Variants in CCDC181 observed in about 807,000 individuals in gnomAD.
CCDC181 encodes coiled-coil domain-containing protein 181.
A neutral mutation model predicts 58.7 loss-of-function variants in CCDC181; 35 were observed. The ratio of observed to expected loss-of-function variants is 0.60; its 90% CI spans 0.46 to 0.79. CCDC181 has a LOEUF of 0.79. Among genes scored for constraint, CCDC181 ranks in the 30% least tolerant of loss-of-function variants. CCDC181 has a pLI of 0.00. For synonymous variants in CCDC181, 183 were observed against 197.5 expected (o/e 0.93, Z 0.62); for missense variants, 517 against 583.9 (o/e 0.89, Z 1.18).
chr1:169,436,864 T>G (rs1657067752), intron 2 of CCDC181, among the ~76,000 whole-genome samples: 1 of 152,052 alleles, frequency 6.6e-6, no homozygotes, highest in South Asian at 2.1e-4. Flanking sequence ...AAAAAGAAAA[T>G]AGGCTTAAAC....
chr1:169,420,105 T>C (rs1401675175), intron 3 of CCDC181, among the ~76,000 whole-genome samples: 1 of 152,238 alleles, frequency 6.6e-6, no homozygotes, highest in Non-Finnish European at 1.5e-5. Flanking sequence ...ATCAGTTCAT[T>C]AATAAAAAGG....
intron 4 of CCDC181, among the ~76,000 whole-genome samples, chr1:169,408,452 G>A (rs896157467): frequency 2.6e-5 from 4 of 152,240 alleles, no homozygotes; most frequent in African/African-American, 9.6e-5. Flanking sequence ...TGGGGGAAGG[G>A]GTGGCTGCGG....
intron 2 of CCDC181, among the ~76,000 whole-genome samples, chr1:169,433,002 C>G (rs1300769545): frequency 6.6e-6 from 1 of 151,764 alleles, no homozygotes; most frequent in Non-Finnish European, 1.5e-5. Flanking sequence ...AGCAATTAGG[C>G]AAGAAAAAGA....
At chr1:169,395,295 G>C in intron 5 of CCDC181, 89 bp from the exon 6 acceptor site, 1 of 1,164,438 alleles carries the variant, frequency 8.6e-7, no homozygotes, top group Non-Finnish European at 1.1e-6. Context: ...CAAAATAAAT[G>C]GACATTTCTT....
chr1:169,460,602 G>T (rs565092348), exon 1 of CCDC181: 1 of 152,502 alleles, frequency 6.6e-6, no homozygotes, highest in African/African-American at 2.4e-5. Flanking sequence ...CCCAGAAGGA[G>T]GGAGTCGCTG....
intron 5 of CCDC181, among the ~76,000 whole-genome samples, chr1:169,395,607 C>G (rs1654976361): frequency 6.6e-6 from 1 of 152,280 alleles, no homozygotes; most frequent in East Asian, 1.9e-4. Flanking sequence ...AGAATACTAT[C>G]ATGCAGAAAT....
intron 2 of CCDC181, among the ~76,000 whole-genome samples, chr1:169,447,277 T>A (rs1657403186): frequency 6.6e-6 from 1 of 152,126 alleles, no homozygotes. Context: ...CACACCCAGA[T>A]AATTTTTGAA....
chr1:169,422,165 A>G lies in CCDC181; in HGVS notation c.266T>C (p.Ile89Thr). ...RRNDIISVPG[I>T]QPLDPISDSD... ...ATCTGATATGGGATCCAAAGGTTGA[A>G]TACCTGGTACAGAAATGATGTCATT... Residue 89 changes from isoleucine to threonine, a missense_variant, in exon 3 of 6, where the codon ATT (isoleucine) becomes ACT (threonine). Physicochemically the swap from Ile to Thr is moderately conservative, Grantham distance 89 (BLOSUM62 -1). Coordinates refer to ENST00000367806, the MANE Select transcript of CCDC181 (RefSeq NM_001300969.2). 1 of 1,613,778 alleles carries G rather than the reference A, an allele frequency of 6.2e-7. No homozygotes were observed. Among genetic ancestry groups the G allele is most frequent in the East Asian group, 2.2e-5 (1 of 44,858 alleles).
chr1:169,414,806 C>T (rs1407429764), intron 4 of CCDC181, among the ~76,000 whole-genome samples: 1 of 152,156 alleles, frequency 6.6e-6, no homozygotes, highest in African/African-American at 2.4e-5. Context: ...ACATAATGCA[C>T]TTATTATAGC....
At chr1:169,416,436 G>A (rs538022150) in intron 4 of CCDC181, among the ~76,000 whole-genome samples, 85 of 152,176 alleles carry the variant, frequency 5.6e-4, no homozygotes, top group African/African-American at 2.0e-3. Context: ...TCTTGGCCCC[G>A]TCACTCCTAT....
At chr1:169,442,680 T>G (rs1332118561) in intron 2 of CCDC181, 1 of 152,156 alleles carries the variant, frequency 6.6e-6, no homozygotes, top group African/African-American at 2.4e-5. Flanking sequence ...ACATTGACAT[T>G]GAGATATTTT....
intron 4 of CCDC181, among the ~76,000 whole-genome samples, chr1:169,417,296 CTA>C (rs770520470): frequency 6.6e-6 from 1 of 152,186 alleles, no homozygotes; most frequent in Non-Finnish European, 1.5e-5. Flanking sequence ...GTCTGACCAG[CTA>C]TATATTGCCA....
intron 2 of CCDC181, among the ~76,000 whole-genome samples, chr1:169,444,787 C>T (rs1657327938): frequency 6.6e-6 from 1 of 152,114 alleles, no homozygotes; most frequent in Non-Finnish European, 1.5e-5. Context: ...TGCAAGAGTA[C>T]CTTTGGCATT....
upstream of CCDC181, among the ~76,000 whole-genome samples, chr1:169,430,679 A>C (rs990088710): frequency 7.5e-5 from 11 of 147,264 alleles, no homozygotes; most frequent in South Asian, 2.2e-4. Context: ...AAAAAAAAAA[A>C]CACACAAATA....
intron 2 of CCDC181, among the ~76,000 whole-genome samples, chr1:169,423,079 T>TATATTTTATATATATATATATATATA (rs377436139): frequency 6.8e-6 from 1 of 146,944 alleles, no homozygotes; most frequent in African/African-American, 2.5e-5. Flanking sequence ...ATATATATAT[T>TATATTTTATATATATATATATATATA]TTTTCTCTTT....
intron 2 of CCDC181, chr1:169,443,539 T>C (rs775087900): frequency 2.0e-5 from 3 of 152,162 alleles, no homozygotes; most frequent in Non-Finnish European, 2.9e-5. Context: ...TTATAAGTGG[T>C]GCCTCATTGG....
rs764267293 is a variant in CCDC181, at chr1:169,421,599, C to A, written c.832G>T (p.Ala278Ser). ...TCTCCTGTTGATGAGTGAGTGACAGCATGAATCTTTGCTGTAGAATCTTCT... is the reference window on the plus strand; with the variant it reads ...TCTCCTGTTGATGAGTGAGTGACAGAATGAATCTTTGCTGTAGAATCTTCT... Reference protein sequence around the residue: ...KKEDSTAKIHAVTHSSTGEPL... With the variant: ...KKEDSTAKIHSVTHSSTGEPL... The change falls in exon 3 of 6, where the codon GCT becomes TCT. Residue 278 changes from alanine to serine, a missense_variant. Ala to Ser is a moderately conservative substitution (Grantham distance 99). Transcript: ENST00000367806. 6.2e-7 allele frequency: 1 copy of A among 1,614,016 alleles called. No homozygotes were observed. The highest frequency in any genetic ancestry group is 8.5e-7 in the Non-Finnish European group (1 of 1,180,016).
chr1:169,394,991 A>T lies in CCDC181; in HGVS notation c.*56T>A. 1 of 1,467,280 alleles carries T rather than the reference A, an allele frequency of 6.8e-7. No individual in the cohort carries two copies. The highest frequency in any genetic ancestry group is 1.4e-5 in the African/African-American group (1 of 70,560). The allele number at this position is 1,467,280 out of a possible 1,614,324, so 90.9% of individuals were successfully genotyped here. On this transcript the variant is annotated 3_prime_UTR_variant, in exon 6 of 6. Transcript: ENST00000367806. ...ACAACCAAAGTACACAGACCCTAAG[A>T]AATCATATCCAAAATTTTGATAGCA...
chr1:169,424,785 T>G, intron 2 of CCDC181, 26 bp downstream of exon 2: 1 of 1,179,496 alleles, frequency 8.5e-7, no homozygotes, highest in Non-Finnish European at 1.2e-6. Context: ...AATATAATTA[T>G]TATGAATGCT....
Sources: allele counts gnomAD v4.1 joint callset (sites outside exome capture counted in the v4.1 genomes callset), GRCh38; gene constraint gnomAD v4.1.1; transcripts MANE v1.5; gene names NCBI Gene and HGNC (gene_info 2026-07-23, HGNC 2026-07-21).